Variants in RNASE4 observed in about 807,000 individuals in gnomAD.
RNASE4 encodes the protein ribonuclease A family member 4.
For synonymous variants in RNASE4, 93 were observed against 71.4 expected (o/e 1.30, Z -1.52); for missense variants, 194 against 192.8 (o/e 1.01, Z -0.04).
At chr14:20,690,495 A>T (rs1047726356) in intron 1 of RNASE4, among the ~76,000 whole-genome samples, 2 of 151,974 alleles carry the variant, frequency 1.3e-5, no homozygotes, top group African/African-American at 4.8e-5. Context: ...TATATTGAGA[A>T]AGTTTTGAGT....
chr14:20,691,961 T>A (rs1270442797), intron 1 of RNASE4, among the ~76,000 whole-genome samples: 1 of 152,178 alleles, frequency 6.6e-6, no homozygotes, highest in Non-Finnish European at 1.5e-5. Flanking sequence ...GGCCTTTTTT[T>A]AAGCTCAGAC....
In RNASE4 at chr14:20,699,663, A is replaced by G; in HGVS notation, c.292A>G (p.Asn98Asp). 6.2e-7 allele frequency: 1 copy of G among 1,611,672 alleles called. No homozygotes were observed. The highest frequency in any genetic ancestry group is 1.1e-5 in the South Asian group (1 of 91,084). The change falls in exon 2 of 2, where the codon AAC becomes GAC. Residue 98 changes from asparagine (N) to aspartate (D), a missense_variant. Coordinates refer to ENST00000555835, the MANE Select transcript of RNASE4 (RefSeq NM_002937.5). ...TNIQCKNGKMNCHEGVVKVTD... is the reference protein window; with the variant it reads ...TNIQCKNGKMDCHEGVVKVTD... ...TATCCAATGCAAGAACGGCAAGATG[A>G]ACTGCCATGAGGGTGTAGTGAAGGT...
At chr14:20,694,087 A>ATGAATGTTGCCAC in intron 1 of RNASE4, 3 of 1,526,820 alleles carry the variant, frequency 2.0e-6, no homozygotes, top group Non-Finnish European at 2.7e-6. Context: ...AGTGGTGGCA[A>ATGAATGTTGCCAC]CATTCATTGC....
Position 20,699,909 on chromosome 14 carries a change from C to A in RNASE4, c.*94C>A. 3 of 1,039,762 alleles carry A rather than the reference C, an allele frequency of 2.9e-6. No homozygotes were observed. The highest frequency in any genetic ancestry group is 1.5e-5 in the South Asian group (1 of 67,970). The allele number at this position is 1,039,762 out of a possible 1,614,324, so 64.4% of individuals were successfully genotyped here. A position where few individuals can be genotyped will look rare whatever the true frequency, so the allele number is the denominator to read the frequency against. On this transcript the variant is annotated 3_prime_UTR_variant, in exon 2 of 2. Transcript: ENST00000555835. ...GCATTTGAGCTGTCCCAGGCTCTGT[C>A]TCCTCAGCTCATTTCCTACTCTTTT...
intron 1 of RNASE4, among the ~76,000 whole-genome samples, chr14:20,691,737 G>A (rs1886761962): frequency 6.6e-6 from 1 of 152,234 alleles, no homozygotes; most frequent in African/African-American, 2.4e-5. Flanking sequence ...CAATAATGGA[G>A]TAAATAGCAG....
At position 20,684,745 on chromosome 14, in the gene RNASE4, G is replaced by C. The variant is rs371640821; in HGVS notation, c.-31G>C. The C allele has an allele frequency of 6.5e-6, 1 of 152,768 alleles. No homozygotes were observed. Among genetic ancestry groups the C allele is most frequent in the East Asian group, 1.9e-4 (1 of 5,220 alleles). The allele number at this position is 152,768 out of a possible 1,614,324, so 9.5% of individuals were successfully genotyped here. ...TTGTCCTGCCCGTTTCTGCGGACTT[G>C]TTCTGAGGCCGAGGTAGGTTCACAC... On this transcript the variant is annotated 5_prime_UTR_variant, in exon 1 of 2. Coordinates refer to ENST00000555835, the MANE Select transcript of RNASE4 (RefSeq NM_002937.5).
At chr14:20,686,880 A>G (rs1886449955) in intron 1 of RNASE4, among the ~76,000 whole-genome samples, 1 of 152,220 alleles carries the variant, frequency 6.6e-6, no homozygotes, top group Admixed American at 6.5e-5. Context: ...CCTAAGACAG[A>G]ATGATACATA....
At chr14:20,694,060 C>G in intron 1 of RNASE4, 1 of 1,600,016 alleles carries the variant, frequency 6.2e-7, no homozygotes, top group Non-Finnish European at 8.6e-7. Flanking sequence ...CTTCCATTTC[C>G]CCTCTGCACC....
At chr14:20,697,571 C>T (rs1322199578) in intron 1 of RNASE4, among the ~76,000 whole-genome samples, 2 of 152,192 alleles carry the variant, frequency 1.3e-5, no homozygotes, top group Admixed American at 6.5e-5. Flanking sequence ...ATACTGCTTT[C>T]ATTATCAATA....
intron 1 of RNASE4, among the ~76,000 whole-genome samples, chr14:20,693,170 C>T (rs756969199): frequency 6.6e-6 from 1 of 152,142 alleles, no homozygotes; most frequent in Non-Finnish European, 1.5e-5. Flanking sequence ...TCTTAATGTG[C>T]CTCAGGACCT....
intron 1 of RNASE4, chr14:20,694,049 C>A (rs1484555472): frequency 1.9e-6 from 3 of 1,607,732 alleles, no homozygotes; most frequent in Non-Finnish European, 8.5e-7. Flanking sequence ...GCTGTCCTTG[C>A]CTTCCATTTC....
intron 1 of RNASE4, among the ~76,000 whole-genome samples, chr14:20,697,689 A>T (rs1344800805): frequency 1.3e-5 from 2 of 152,222 alleles, no homozygotes; most frequent in East Asian, 3.9e-4. Flanking sequence ...ATTTGAAATC[A>T]AAAGACAATA....
At position 20,699,733 on chromosome 14, in the gene RNASE4, G is replaced by C; in HGVS notation, c.362G>C (p.Arg121Thr). The C allele has an allele frequency of 1.2e-6, 2 of 1,610,884 alleles. No homozygotes were observed. The highest frequency in any genetic ancestry group is 1.7e-6 in the Non-Finnish European group (2 of 1,180,036). ...GGAAGTTCCAGGGCACCCAACTGCA[G>C]ATATCGGGCCATAGCGAGCACTAGA... Reference protein sequence around the residue: ...DTGSSRAPNCRYRAIASTRRV... With the variant: ...DTGSSRAPNCTYRAIASTRRV... Residue 121 changes from arginine (R) to threonine (T), a missense_variant, in exon 2 of 2, where the codon AGA becomes ACA. Coordinates refer to ENST00000555835, the MANE Select transcript of RNASE4 (RefSeq NM_002937.5).
chr14:20,698,724 A>G (rs1427412006), intron 1 of RNASE4: 3 of 152,196 alleles, frequency 2.0e-5, no homozygotes, highest in Non-Finnish European at 4.4e-5. Flanking sequence ...TAGAATTAGA[A>G]TAGATTTTAA....
intron 1 of RNASE4, among the ~76,000 whole-genome samples, chr14:20,694,371 C>A (rs1475030007): frequency 7.0e-6 from 1 of 141,896 alleles, no homozygotes; most frequent in African/African-American, 2.6e-5. Context: ...ACAATCTCGG[C>A]TCACTGCAAC....
chr14:20,690,723 C>T (rs1277412075), intron 1 of RNASE4, among the ~76,000 whole-genome samples: 1 of 152,102 alleles, frequency 6.6e-6, no homozygotes, highest in Non-Finnish European at 1.5e-5. Flanking sequence ...GCTAGCAACT[C>T]TTTTATTTTC....
chr14:20,685,501 ACCAC>A (rs1385495509), intron 1 of RNASE4, among the ~76,000 whole-genome samples: 1 of 152,176 alleles, frequency 6.6e-6, no homozygotes, highest in Non-Finnish European at 1.5e-5. Flanking sequence ...GTGGCACAGG[ACCAC>A]CTTCCCAGAA....
At chr14:20,685,144 G>C (rs749399998) in intron 1 of RNASE4, among the ~76,000 whole-genome samples, 26 of 152,094 alleles carry the variant, frequency 1.7e-4, no homozygotes, top group Non-Finnish European at 3.4e-4. Flanking sequence ...TTTTGCAAGC[G>C]TAACTAACAT....
In RNASE4 at chr14:20,700,980, TG is replaced by T. The variant is rs1418806482; in HGVS notation, c.*1166del. On this transcript the variant is annotated 3_prime_UTR_variant, in exon 2 of 2. Transcript: ENST00000555835. ...TGATTTGTTCCTGCCCCACCTTAACTGATCAATTAGCCTTGTGACATTCCTT... is the reference window on the plus strand; with the variant it reads ...TGATTTGTTCCTGCCCCACCTTAACTATCAATTAGCCTTGTGACATTCCTT... The T allele has an allele frequency of 6.6e-6, 1 of 152,206 alleles. No individual in the cohort carries two copies. Among genetic ancestry groups the T allele is most frequent in the African/African-American group, 2.4e-5 (1 of 41,448 alleles). 9.4% of individuals were successfully genotyped at this position (152,206 alleles called of 1,614,324 possible). A position where few individuals can be genotyped will look rare whatever the true frequency, so the allele number is the denominator to read the frequency against.
Sources: gnomAD v4.1 joint callset for allele counts (sites outside exome capture counted in the v4.1 genomes callset) on GRCh38, gnomAD v4.1.1 for gene constraint, MANE v1.5 for transcripts, NCBI Gene and HGNC (gene_info 2026-07-23, HGNC 2026-07-21) for gene names.